C16orf96: variants seen among roughly 807,000 people sequenced by gnomAD.
C16orf96 encodes the protein uncharacterized protein C16orf96.
C16orf96 carries 108 observed loss-of-function variants against 103.6 expected under a neutral mutation model. The observed-to-expected ratio is 1.04, with a 90% CI of 0.89 to 1.22. C16orf96 has a LOEUF of 1.22. Among genes scored for constraint, C16orf96 ranks in the 50% most tolerant of loss-of-function variants. The pLI, the probability that C16orf96 is intolerant of heterozygous loss-of-function variation, is 0.00. For synonymous variants in C16orf96, 566 were observed against 593.5 expected (o/e 0.95, Z 0.67); for missense variants, 1,586 against 1,464.2 (o/e 1.08, Z -1.36).
At chr16:4,549,553 G>A in the C16orf96 span, among the ~76,000 whole-genome samples, 1 of 151,038 alleles carries the variant, frequency 6.6e-6, no homozygotes, top group Admixed American at 6.6e-5. Flanking sequence ...ATCTCAGCAC[G>A]TTGGGAGGCC....
intron 9 of C16orf96, among the ~76,000 whole-genome samples, chr16:4,589,994 C>T (rs1243166660): frequency 3.3e-5 from 5 of 152,060 alleles, no homozygotes; most frequent in East Asian, 1.9e-4. Flanking sequence ...GGCCTGGTGG[C>T]GGGCGCCTGT....
In C16orf96 at chr16:4,593,137, G is replaced by A. The variant is rs1319783721; in HGVS notation, c.2775-87G>A. ...GTCTGCACCTCCTTCCTCCTGCTGG[G>A]AAGGCTTCCTGGAGGGGTGGGAGAC... On this transcript the variant is annotated intron_variant, in intron 11 of 15. Coordinates refer to ENST00000444310, the MANE Select transcript of C16orf96 (RefSeq NM_001145011.2). This position sits in a 1 kb window ranked among gnomAD's most constrained non-coding sequence, Gnocchi z 4.2. 3 of 1,291,310 alleles carry A rather than the reference G, an allele frequency of 2.3e-6. No individual in the cohort carries two copies. The highest frequency in any genetic ancestry group is 3.3e-6 in the Non-Finnish European group (3 of 916,072). The allele number at this position is 1,291,310 out of a possible 1,614,324, so 80.0% of individuals were successfully genotyped here.
At chr16:4,572,631 C>A (rs976511365) in intron 2 of C16orf96, among the ~76,000 whole-genome samples, 2 of 152,062 alleles carry the variant, frequency 1.3e-5, no homozygotes, top group African/African-American at 4.8e-5. Context: ...AACTTTCCTC[C>A]CAGTTGGCTT....
At chr16:4,544,521 C>T in the C16orf96 span, among the ~76,000 whole-genome samples, 6 of 152,282 alleles carry the variant, frequency 3.9e-5, no homozygotes, top group African/African-American at 1.4e-4. Flanking sequence ...GTGGGAGGAT[C>T]GCTTAAGACC....
At chr16:4,552,582 G>C (rs1479702713), upstream of C16orf96, among the ~76,000 whole-genome samples, 1 of 151,796 alleles carries the variant, frequency 6.6e-6, no homozygotes, top group Non-Finnish European at 1.5e-5. Context: ...ATAGTCTACT[G>C]TTTGAATATG....
At chr16:4,587,237 G>T (rs1186686715) in intron 8 of C16orf96, 124 bp downstream of exon 8, 2 of 956,076 alleles carry the variant, frequency 2.1e-6, no homozygotes, top group East Asian at 2.7e-5. Flanking sequence ...TTGAAACCAG[G>T]AGTTGGCTGG....
intron 1 of C16orf96, among the ~76,000 whole-genome samples, chr16:4,562,461 C>CAAAAAAA (rs71402546): frequency 7.0e-6 from 1 of 142,014 alleles, no homozygotes. Context: ...AAGACTGTGT[C>CAAAAAAA]AAAAAAAAAA....
At chr16:4,545,106 G>C in the C16orf96 span, among the ~76,000 whole-genome samples, 25,955 of 152,180 alleles carry the variant, frequency 0.17, 2,330 homozygotes, top group Middle Eastern at 0.29. Context: ...CCAGACATTA[G>C]TTGGGTGCTC....
intron 6 of C16orf96, among the ~76,000 whole-genome samples, chr16:4,579,613 TA>T (rs370634175): frequency 3.9e-4 from 20 of 51,486 alleles, no homozygotes; most frequent in African/African-American, 9.6e-4. Context: ...TCTGATACCT[TA>T]TTTTTTTTTT....
intron 8 of C16orf96, 23 bp from the exon 9 acceptor site, chr16:4,588,144 C>T (rs1338566029): frequency 2.6e-6 from 4 of 1,546,966 alleles, no homozygotes; most frequent in Admixed American, 3.9e-5. Flanking sequence ...AGCCATGCCT[C>T]CCTGAACTCC....
At position 4,593,432 on chromosome 16, in the gene C16orf96, T is replaced by C. The variant is rs1897104872; in HGVS notation, c.2867+116T>C. ...CAGGCCCAGGGACCTAAGATTGTCCTGGACATGGCCAGCCCTTCGCAAGAC... is the reference window on the plus strand; with the variant it reads ...CAGGCCCAGGGACCTAAGATTGTCCCGGACATGGCCAGCCCTTCGCAAGAC... On this transcript the variant is annotated intron_variant, in intron 12 of 15. Coordinates refer to ENST00000444310, the MANE Select transcript of C16orf96 (RefSeq NM_001145011.2). The surrounding 1 kb of genome is among the most constrained non-coding windows in gnomAD (Gnocchi z 4.2). 1.3e-5 allele frequency: 14 copies of C among 1,042,868 alleles called. No homozygotes were observed. The South Asian group carries it at 1.9e-4, about 14-fold the overall frequency. The allele number at this position is 1,042,868 out of a possible 1,614,324, so 64.6% of individuals were successfully genotyped here.
At chr16:4,573,821 T>C (rs1479111920) in intron 2 of C16orf96, among the ~76,000 whole-genome samples, 2 of 151,528 alleles carry the variant, frequency 1.3e-5, no homozygotes, top group Non-Finnish European at 1.5e-5. Flanking sequence ...GAGGTGTTTT[T>C]GTTGTTGTTG....
rs1171759263 is a variant in C16orf96 at position 4,594,706 on chromosome 16, C to T, written c.3030C>T (p.Ala1010=). 2.6e-6 allele frequency: 4 copies of T among 1,551,180 alleles called. No individual in the cohort carries two copies. The highest frequency in any genetic ancestry group is 2.4e-5 in the South Asian group (2 of 84,038). The change falls in exon 14 of 16, where the codon GCC becomes GCT. Residue 1010 remains alanine (A), a splice_region_variant and synonymous_variant. Coordinates refer to ENST00000444310, the MANE Select transcript of C16orf96 (RefSeq NM_001145011.2). ...GDPHVIDYDS[A]EVDILGVDGI... ...CCGGGACCTGGGCCATCCAACAGGC[C>T]GAGGTGGACATCCTGGGCGTGGATG...
intron 7 of C16orf96, among the ~76,000 whole-genome samples, chr16:4,586,654 A>G (rs1335985878): frequency 2.6e-5 from 4 of 152,186 alleles, no homozygotes; most frequent in East Asian, 1.9e-4. Context: ...TGTGGCTGTG[A>G]TAAGTGCTCA....
rs71139648 is a variant in C16orf96 at position 4,584,354 on chromosome 16, A to ATTTTTTT, written c.2353-2680_2353-2674dup. Among the ~76,000 whole-genome samples, 21 of 92,720 alleles carry ATTTTTTT rather than the reference A, an allele frequency of 2.3e-4. 2 individuals carry two copies. Among genetic ancestry groups the ATTTTTTT allele is most frequent in the African/African-American group, 3.9e-4 (9 of 23,030 alleles). 60.8% of individuals were successfully genotyped at this position (92,720 alleles called of 152,430 possible). On this transcript the variant is annotated intron_variant, in intron 7 of 15. Coordinates refer to ENST00000444310, the MANE Select transcript of C16orf96 (RefSeq NM_001145011.2). Reference sequence around the variant, plus strand: ...AGGCGTGTGCCACCATGCCTGGCTAATTTTTTTTTTTGAGATACAGTCTCG... The same window carrying ATTTTTTT: ...AGGCGTGTGCCACCATGCCTGGCTAATTTTTTTTTTTTTTTTTTGAGATACAGTCTCG...
chr16:4,579,158 G>A, intron 6 of C16orf96, 133 bp downstream of exon 6: 1 of 796,618 alleles, frequency 1.3e-6, no homozygotes, highest in Non-Finnish European at 2.0e-6. Context: ...AAGCGAGCTG[G>A]CTGCGAAGGC....
the C16orf96 span, among the ~76,000 whole-genome samples, chr16:4,550,118 C>T: frequency 6.9e-6 from 1 of 144,894 alleles, no homozygotes; most frequent in Non-Finnish European, 1.5e-5. Flanking sequence ...CAGTTTCACT[C>T]TTGTTGCCCC....
chr16:4,589,766 T>C (rs776299605), intron 9 of C16orf96, among the ~76,000 whole-genome samples: 5 of 152,208 alleles, frequency 3.3e-5, no homozygotes, highest in African/African-American at 7.2e-5. Flanking sequence ...TGTGGTTATA[T>C]AATAAAATGT....
upstream of C16orf96, among the ~76,000 whole-genome samples, chr16:4,555,998 C>T (rs1380864637): frequency 6.6e-6 from 1 of 152,136 alleles, no homozygotes; most frequent in Non-Finnish European, 1.5e-5. Flanking sequence ...CCACACCCAC[C>T]CAGCCAGTAC....
Sources: gnomAD v4.1 joint callset for allele counts (sites outside exome capture counted in the v4.1 genomes callset) on GRCh38, gnomAD v4.1.1 for gene constraint, Gnocchi (gnomAD v3.1) non-coding constraint, MANE v1.5 for transcripts, NCBI Gene and HGNC (gene_info 2026-07-23, HGNC 2026-07-21) for gene names.